RNGTT: variants seen among roughly 807,000 people sequenced by gnomAD.
The protein encoded by RNGTT is mRNA-capping enzyme.
RNGTT carries 33 observed loss-of-function variants against 79.3 expected under a neutral mutation model. The observed-to-expected ratio is 0.42, with a 90% CI of 0.32 to 0.56. RNGTT has a LOEUF of 0.56. RNGTT is among the 20% of genes least tolerant of loss of function. The pLI, the probability that RNGTT is intolerant of heterozygous loss-of-function variation, is 0.17. For synonymous variants in RNGTT, 222 were observed against 235.9 expected (o/e 0.94, Z 0.54); for missense variants, 497 against 739.1 (o/e 0.67, Z 3.80).
At chr6:88,883,164 T>C (rs912533522) in intron 8 of RNGTT, among the ~76,000 whole-genome samples, 6 of 133,558 alleles carry the variant, frequency 4.5e-5, no homozygotes, top group African/African-American at 1.9e-4. Flanking sequence ...CCCAGACTCT[T>C]TATGACAAAA....
intron 13 of RNGTT, among the ~76,000 whole-genome samples, chr6:88,679,332 G>A (rs961702053): frequency 1.3e-5 from 2 of 152,134 alleles, no homozygotes; most frequent in Non-Finnish European, 2.9e-5. Flanking sequence ...CAAAGAGTGG[G>A]TACACAAAGG....
chr6:88,829,056 G>A (rs951753826), intron 11 of RNGTT, among the ~76,000 whole-genome samples: 6 of 152,056 alleles, frequency 3.9e-5, no homozygotes, highest in South Asian at 2.1e-4. Context: ...GACACTCCTC[G>A]AGAAGAGCAA....
Position 88,867,930 on chromosome 6 carries a change from G to A in RNGTT, c.897-14166C>T, listed in dbSNP as rs558253800. Among the ~76,000 whole-genome samples the A allele has an allele frequency of 5.9e-5, 9 of 152,264 alleles. No homozygotes were observed. In the South Asian group the frequency reaches 1.5e-3, roughly 25 times the overall value. ...AATAAAGTGTTGGGAAGGATGACTG[G>A]GAGAGAATTACTATAGGGTTTTCCT... is the stretch of plus-strand genomic sequence containing the variant. On this transcript the variant is annotated intron_variant, in intron 8 of 15. Transcript: ENST00000369485.
At chr6:88,738,347 A>C (rs1458565511) in intron 13 of RNGTT, among the ~76,000 whole-genome samples, 1 of 152,222 alleles carries the variant, frequency 6.6e-6, no homozygotes, top group African/African-American at 2.4e-5. Flanking sequence ...AACTAAATGT[A>C]ATGCAGTATT....
chr6:88,704,272 A>ACAAAAC (rs1338157761), intron 13 of RNGTT, among the ~76,000 whole-genome samples: 67 of 149,906 alleles, frequency 4.5e-4, no homozygotes, highest in African/African-American at 1.6e-3. Flanking sequence ...AAAAAAAAAA[A>ACAAAAC]AAAAAAAAAA....
At chr6:88,817,749 AT>A (rs71554802) in intron 11 of RNGTT, among the ~76,000 whole-genome samples, 481 of 71,514 alleles carry the variant, frequency 6.7e-3, no homozygotes, top group Middle Eastern at 0.022. Flanking sequence ...TATTCACATC[AT>A]TTTTTTTTTT....
intron 8 of RNGTT, among the ~76,000 whole-genome samples, chr6:88,857,283 G>A (rs1781873141): frequency 6.6e-6 from 1 of 152,114 alleles, no homozygotes; most frequent in South Asian, 2.1e-4. Flanking sequence ...ATTCCTCCCA[G>A]TAGTCTGAGA....
At chr6:88,739,725 T>TTTATATATATATA (rs1777405318) in intron 13 of RNGTT, among the ~76,000 whole-genome samples, 1 of 94,152 alleles carries the variant, frequency 1.1e-5, no homozygotes, top group Non-Finnish European at 2.0e-5. Flanking sequence ...GTGAAAAAAA[T>TTTATATATATATA]TATATATATA....
intron 11 of RNGTT, among the ~76,000 whole-genome samples, chr6:88,833,341 G>C (rs1780943072): frequency 6.6e-6 from 1 of 152,142 alleles, no homozygotes; most frequent in African/African-American, 2.4e-5. Context: ...ACCAAACACT[G>C]CATCTTCAAC....
At chr6:88,817,425 T>C (rs1214533725) in intron 11 of RNGTT, among the ~76,000 whole-genome samples, 4 of 146,606 alleles carry the variant, frequency 2.7e-5, no homozygotes, top group Non-Finnish European at 5.9e-5. Flanking sequence ...GAGGACCGCT[T>C]GAAGCCAGGA....
chr6:88,633,956 T>C (rs1773001293), intron 14 of RNGTT, among the ~76,000 whole-genome samples: 1 of 152,112 alleles, frequency 6.6e-6, no homozygotes, highest in South Asian at 2.1e-4. Context: ...ACAACCAAAA[T>C]AGCTAAGGCA....
In RNGTT at chr6:88,921,319, T is replaced by TA. The variant is rs879797651; in HGVS notation, c.367+7665dup. Among the ~76,000 whole-genome samples, 598 of 144,998 alleles carry TA rather than the reference T, an allele frequency of 4.1e-3. 8 individuals carry two copies. Among genetic ancestry groups the TA allele is most frequent in the African/African-American group, 0.012 (487 of 39,830 alleles). On this transcript the variant is annotated intron_variant, in intron 4 of 15. Transcript: ENST00000369485. ...GGGTGACATAGTGAGACCTGGTCTT[T>TA]AAAAAAAAAAAAAGTAATCTTTGAA...
chr6:88,719,172 CAA>C (rs1776622733), intron 13 of RNGTT, among the ~76,000 whole-genome samples: 3 of 152,164 alleles, frequency 2.0e-5, no homozygotes, highest in Admixed American at 6.6e-5. Flanking sequence ...TAGCCTTCTT[CAA>C]TCCCTCTGCC....
At chr6:88,962,163 G>A (rs181343800) in intron 1 of RNGTT, among the ~76,000 whole-genome samples, 36 of 152,146 alleles carry the variant, frequency 2.4e-4, no homozygotes, top group Non-Finnish European at 4.7e-4. Context: ...GCTGCCAGGC[G>A]AAGGAGGGAT....
chr6:88,655,901 G>T (rs1773959348), intron 14 of RNGTT, among the ~76,000 whole-genome samples: 1 of 152,150 alleles, frequency 6.6e-6, no homozygotes, highest in East Asian at 1.9e-4. Flanking sequence ...ATGGATTCTG[G>T]CTGGTAAGTG....
intron 13 of RNGTT, among the ~76,000 whole-genome samples, chr6:88,691,927 G>A (rs1290395206): frequency 6.6e-6 from 1 of 152,108 alleles, no homozygotes; most frequent in Non-Finnish European, 1.5e-5. Flanking sequence ...AAACCCTGAA[G>A]TCATTCATCC....
intron 11 of RNGTT, among the ~76,000 whole-genome samples, chr6:88,840,235 T>C (rs898357746): frequency 1.3e-5 from 2 of 152,220 alleles, no homozygotes; most frequent in Non-Finnish European, 2.9e-5. Flanking sequence ...CTGGTGTTAC[T>C]AAGGTCTTAC....
intron 14 of RNGTT, among the ~76,000 whole-genome samples, chr6:88,664,121 C>G (rs1335520829): frequency 6.6e-6 from 1 of 151,958 alleles, no homozygotes; most frequent in East Asian, 1.9e-4. Flanking sequence ...AGGAACTGAC[C>G]CTTAATAGGA....
intron 11 of RNGTT, among the ~76,000 whole-genome samples, chr6:88,815,204 T>G (rs1443361986): frequency 6.6e-6 from 1 of 152,150 alleles, no homozygotes; most frequent in Non-Finnish European, 1.5e-5. Flanking sequence ...CAGTATAAAC[T>G]GTGGACACCA....
Sources: gnomAD v4.1 joint callset for allele counts (sites outside exome capture counted in the v4.1 genomes callset) on GRCh38, gnomAD v4.1.1 for gene constraint, MANE v1.5 for transcripts, NCBI Gene and HGNC (gene_info 2026-07-23, HGNC 2026-07-21) for gene names.